Variants in DPF3 observed in about 807,000 individuals in gnomAD.
The protein encoded by DPF3 is zinc finger protein DPF3.
DPF3 carries 18 observed loss-of-function variants against 56.8 expected under a neutral mutation model. That is an observed-to-expected ratio of 0.32 (90% CI 0.22 to 0.47). The LOEUF (loss-of-function observed/expected upper bound fraction) is 0.47, where lower values mean the gene tolerates loss of function less well. Among genes scored for constraint, DPF3 ranks in the 20% least tolerant of loss-of-function variants. The pLI is 1.00. For synonymous variants in DPF3, 188 were observed against 180.2 expected (o/e 1.04, Z -0.35); for missense variants, 403 against 488.8 (o/e 0.82, Z 1.65).
chr14:72,889,669 A>T (rs1196225579), intron 1 of DPF3, among the ~76,000 whole-genome samples: 1 of 152,234 alleles, frequency 6.6e-6, no homozygotes, highest in African/African-American at 2.4e-5. Context: ...TCACATGCAC[A>T]AAACCACTTT....
chr14:72,821,431 G>A (rs990261411), intron 1 of DPF3, among the ~76,000 whole-genome samples: 1 of 151,920 alleles, frequency 6.6e-6, no homozygotes, highest in Admixed American at 6.6e-5. Context: ...CAACAAAAGG[G>A]ACAAAAAAGA....
rs1360270404 is a variant in DPF3 at position 72,879,803 on chromosome 14, C to T, written c.32+14254G>A. 7.2e-6 allele frequency: 11 copies of T among 1,535,086 alleles called. No homozygotes were observed. The East Asian group carries it at 2.7e-4, about 38-fold the overall frequency. On this transcript the variant is annotated intron_variant, in intron 1 of 10. Coordinates refer to ENST00000556509, the MANE Select transcript of DPF3 (RefSeq NM_001280542.3). ...CACGTCTCTCACACTGAGGTTCTTACCCTAGAGCCCATGGGCCTCCAGGGC... is the reference window on the plus strand; with the variant it reads ...CACGTCTCTCACACTGAGGTTCTTATCCTAGAGCCCATGGGCCTCCAGGGC...
At chr14:72,753,737 C>T (rs969528365) in intron 2 of DPF3, among the ~76,000 whole-genome samples, 6 of 152,188 alleles carry the variant, frequency 3.9e-5, no homozygotes, top group African/African-American at 1.4e-4. Context: ...CTATCCTGAT[C>T]CAGGTTAAGC....
At chr14:72,744,417 G>A (rs1008541366) in intron 3 of DPF3, among the ~76,000 whole-genome samples, 2 of 151,938 alleles carry the variant, frequency 1.3e-5, no homozygotes, top group African/African-American at 4.8e-5. Context: ...CACCCTACAG[G>A]TGCCCACCAC....
At chr14:72,812,800 G>A (rs571644020) in intron 1 of DPF3, among the ~76,000 whole-genome samples, 1 of 152,322 alleles carries the variant, frequency 6.6e-6, no homozygotes, top group East Asian at 1.9e-4. Flanking sequence ...GTTTGCCTGA[G>A]TTGGCAGTGG....
At chr14:72,672,056 C>CAG (rs767371795) in intron 8 of DPF3, among the ~76,000 whole-genome samples, 2 of 138,714 alleles carry the variant, frequency 1.4e-5, no homozygotes, top group South Asian at 2.5e-4. Context: ...CACACACACA[C>CAG]ACAGACACAC....
intron 1 of DPF3, among the ~76,000 whole-genome samples, chr14:72,834,421 G>A (rs1449019161): frequency 2.0e-5 from 3 of 150,880 alleles, no homozygotes; most frequent in South Asian, 2.1e-4. Flanking sequence ...CACTTGAACC[G>A]GGGAGGCAGA....
chr14:72,786,608 G>A (rs989186429), intron 1 of DPF3, among the ~76,000 whole-genome samples: 7 of 152,124 alleles, frequency 4.6e-5, no homozygotes, highest in African/African-American at 1.2e-4. Flanking sequence ...AAAGTTTGCC[G>A]ACTCCTGGTT....
intron 1 of DPF3, among the ~76,000 whole-genome samples, chr14:72,877,259 G>T (rs1886150470): frequency 6.6e-6 from 1 of 152,178 alleles, no homozygotes; most frequent in African/African-American, 2.4e-5. Context: ...CTACAGTAGA[G>T]CCTGGAGGAG....
chr14:72,706,060 G>A lies in DPF3; in HGVS notation c.604+8363C>T, dbSNP rs1888391598. 2.0e-5 allele frequency among the ~76,000 whole-genome samples: 3 copies of A among 152,194 alleles called. No homozygotes were observed. In the South Asian group the frequency reaches 6.2e-4, roughly 32 times the overall value. On this transcript the variant is annotated intron_variant, in intron 6 of 10. Transcript: ENST00000556509. ...CCTCTCCCCAGTTTCCTTATCTGTA[G>A]GATAGAGATGACCAAAGCATCCATT... is the stretch of plus-strand genomic sequence containing the variant.
intron 1 of DPF3, among the ~76,000 whole-genome samples, chr14:72,849,069 C>A (rs888896929): frequency 6.6e-6 from 1 of 152,208 alleles, no homozygotes; most frequent in African/African-American, 2.4e-5. Context: ...CTTGCCCTAG[C>A]TGCATGGCTC....
chr14:72,816,232 T>C (rs1224954474), intron 1 of DPF3, among the ~76,000 whole-genome samples: 1 of 152,216 alleles, frequency 6.6e-6, no homozygotes, highest in Non-Finnish European at 1.5e-5. Flanking sequence ...GGCAGAACCC[T>C]GGGCCTCCCC....
At chr14:72,682,816 G>T (rs1362807402) in intron 7 of DPF3, among the ~76,000 whole-genome samples, 4 of 152,216 alleles carry the variant, frequency 2.6e-5, no homozygotes, top group African/African-American at 9.7e-5. Context: ...GGTGCTGAGA[G>T]TCAGAGACGT....
chr14:72,824,551 C>CTTTTTTTTTTTTTT (rs375498304), intron 1 of DPF3, among the ~76,000 whole-genome samples: 2 of 143,254 alleles, frequency 1.4e-5, no homozygotes, highest in African/African-American at 2.6e-5. Context: ...TTTTCTTTTT[C>CTTTTTTTTTTTTTT]TTTTTTTTTT....
At chr14:72,674,185 C>G in intron 8 of DPF3, 55 bp downstream of exon 8, 1 of 1,570,194 alleles carries the variant, frequency 6.4e-7, no homozygotes, top group Non-Finnish European at 8.6e-7. Flanking sequence ...AAGAGGAATG[C>G]AAGAGGAGCA....
At chr14:72,879,611 C>T (rs972659990) in intron 1 of DPF3, among the ~76,000 whole-genome samples, 4 of 152,064 alleles carry the variant, frequency 2.6e-5, no homozygotes, top group African/African-American at 4.8e-5. Flanking sequence ...GCATCAAGTG[C>T]GCCCAGGGAC....
intron 1 of DPF3, among the ~76,000 whole-genome samples, chr14:72,818,028 T>C (rs12433760): frequency 0.094 from 14,228 of 152,052 alleles, 823 homozygotes; most frequent in Admixed American, 0.18. Context: ...GGCAGATCAC[T>C]TGAGGTCACG....
chr14:72,662,299 T>C, intron 8 of DPF3: 1 of 985,034 alleles, frequency 1.0e-6, no homozygotes, highest in Non-Finnish European at 1.2e-6. Flanking sequence ...CATTTTTCTT[T>C]AGAGTTAATA....
chr14:72,760,482 G>A (rs760308904), intron 2 of DPF3, among the ~76,000 whole-genome samples: 1 of 152,060 alleles, frequency 6.6e-6, no homozygotes, highest in African/African-American at 2.4e-5. Context: ...TCCTGTCTTC[G>A]AAGTCCCTTT....
Sources: allele counts gnomAD v4.1 joint callset (sites outside exome capture counted in the v4.1 genomes callset), GRCh38; gene constraint gnomAD v4.1.1; transcripts MANE v1.5; gene names NCBI Gene and HGNC (gene_info 2026-07-23, HGNC 2026-07-21).